Variants in MARCHF10 observed in about 807,000 individuals in gnomAD.
The protein encoded by MARCHF10 is membrane associated ring-CH-type finger 10.
In MARCHF10, 64 loss-of-function variants were observed where a neutral mutation model predicts 76.2. That is an observed-to-expected ratio of 0.84 (90% confidence interval 0.69 to 1.03). The LOEUF (loss-of-function observed/expected upper bound fraction) is 1.03, where lower values mean the gene tolerates loss of function less well. Among genes scored for constraint, MARCHF10 ranks in the 50% least tolerant of loss-of-function variants. The probability of loss-of-function intolerance (pLI) is 0.00; values close to 1 mark genes in which losing one functional copy is unlikely to be tolerated. For missense variants in MARCHF10, 875 were observed against 958.0 expected, an observed-to-expected ratio of 0.91 and a Z score of 1.14; for synonymous variants, 340 against 357.5, an observed-to-expected ratio of 0.95 and a Z score of 0.55.
chr17:62,724,136 A>C (rs1380526514), intron 7 of MARCHF10, among the ~76,000 whole-genome samples: 1 of 151,298 alleles, frequency 6.6e-6, no homozygotes, highest in Non-Finnish European at 1.5e-5. Flanking sequence ...GTCTGAAAGA[A>C]GCCGCAGCTA....
chr17:62,750,433 G>A (rs777319019), intron 4 of MARCHF10: 8 of 153,934 alleles, frequency 5.2e-5, no homozygotes, highest in Non-Finnish European at 8.7e-5. Flanking sequence ...GTGGCAGGAG[G>A]AGGCAGCAGT....
intron 4 of MARCHF10, among the ~76,000 whole-genome samples, chr17:62,756,969 G>A (rs1303393501): frequency 6.6e-6 from 1 of 152,172 alleles, no homozygotes; most frequent in Non-Finnish European, 1.5e-5. Flanking sequence ...TGCCTTCTCA[G>A]TTACAAATCT....
intron 10 of MARCHF10, among the ~76,000 whole-genome samples, chr17:62,702,255 G>A (rs1407540755): frequency 6.6e-6 from 1 of 152,116 alleles, no homozygotes; most frequent in Non-Finnish European, 1.5e-5. Flanking sequence ...TGGAGGAGGT[G>A]GAGTTGGTGG....
chr17:62,748,856 A>G (rs2091800356), intron 4 of MARCHF10, among the ~76,000 whole-genome samples: 1 of 152,218 alleles, frequency 6.6e-6, no homozygotes, highest in South Asian at 2.1e-4. Flanking sequence ...TACCATGTCC[A>G]TGGATTCATA....
intron 3 of MARCHF10, among the ~76,000 whole-genome samples, chr17:62,771,471 G>A (rs1017752026): frequency 2.0e-5 from 3 of 152,098 alleles, no homozygotes; most frequent in Admixed American, 6.6e-5. Context: ...GCTAGATCTC[G>A]CAGGGCCTCG....
chr17:62,704,065 G>C (rs1472128850), intron 10 of MARCHF10, among the ~76,000 whole-genome samples: 1 of 151,778 alleles, frequency 6.6e-6, no homozygotes, highest in African/African-American at 2.4e-5. Context: ...TGGGCGCGGC[G>C]CCGGGACCCT....
At chr17:62,777,005 C>T (rs1242958729) in intron 3 of MARCHF10, among the ~76,000 whole-genome samples, 1 of 152,160 alleles carries the variant, frequency 6.6e-6, no homozygotes, top group Non-Finnish European at 1.5e-5. Flanking sequence ...ATCTTCTAGC[C>T]CAAATGGCCA....
At chr17:62,758,318 C>T (rs562626105) in intron 4 of MARCHF10, among the ~76,000 whole-genome samples, 1 of 152,242 alleles carries the variant, frequency 6.6e-6, no homozygotes, top group East Asian at 1.9e-4. Flanking sequence ...CACTGCACTC[C>T]AGCCTGGGCA....
chr17:62,728,434 C>T (rs1369130993), intron 6 of MARCHF10, among the ~76,000 whole-genome samples: 6 of 152,212 alleles, frequency 3.9e-5, no homozygotes, highest in Admixed American at 1.3e-4. Flanking sequence ...CCGGGGACAG[C>T]GTGCTGGCCA....
chr17:62,733,887 A>G lies in MARCHF10; in HGVS notation c.1937+2044T>C, dbSNP rs146034817. ...CAGAGTTCATAAATATACACAACAT[A>G]TTGTTTAGAAAAACTGGCTGGGTCG... is the stretch of plus-strand genomic sequence containing the variant. On this transcript the variant is annotated intron_variant, in intron 6 of 10. Transcript: ENST00000311269. 1.9e-3 allele frequency among the ~76,000 whole-genome samples: 282 copies of G among 152,314 alleles called. 1 individual carries two copies. Among genetic ancestry groups the G allele is most frequent in the African/African-American group, 6.5e-3 (271 of 41,566 alleles).
At chr17:62,701,816 CA>C (rs1237711184) in intron 10 of MARCHF10, 58 bp from the exon 11 acceptor site, 3 of 1,608,818 alleles carry the variant, frequency 1.9e-6, no homozygotes, top group East Asian at 2.2e-5. Context: ...GGGTCTGTTA[CA>C]GGGGGCACGG....
chr17:62,721,123 C>T (rs2147688280), intron 8 of MARCHF10, among the ~76,000 whole-genome samples: 1 of 152,260 alleles, frequency 6.6e-6, no homozygotes, highest in Middle Eastern at 3.4e-3. Context: ...CCCACCTTGG[C>T]CTCCCAAAGT....
At chr17:62,714,536 G>C (rs1273066287) in intron 8 of MARCHF10, 1 of 363,742 alleles carries the variant, frequency 2.7e-6, no homozygotes, top group African/African-American at 2.2e-5. Context: ...CTGACTCCTA[G>C]TGCCTGGCCC....
intron 3 of MARCHF10, among the ~76,000 whole-genome samples, chr17:62,783,652 G>A (rs930181946): frequency 5.3e-5 from 8 of 152,104 alleles, no homozygotes; most frequent in African/African-American, 1.9e-4. Flanking sequence ...GAGGAAGAGA[G>A]AAGAATCAAA....
At chr17:62,759,701 C>T (rs1450933428) in intron 4 of MARCHF10, 134 bp downstream of exon 4, 16 of 827,782 alleles carry the variant, frequency 1.9e-5, no homozygotes, top group Non-Finnish European at 2.8e-5. Flanking sequence ...GGACTCCTGA[C>T]CTCAAGTGAT....
intron 3 of MARCHF10, among the ~76,000 whole-genome samples, chr17:62,787,224 A>G (rs1422464335): frequency 6.6e-6 from 1 of 152,188 alleles, no homozygotes; most frequent in Non-Finnish European, 1.5e-5. Flanking sequence ...TCCTTAATAG[A>G]GAGCATATCT....
chr17:62,744,781 C>A (rs1193184227), intron 4 of MARCHF10, among the ~76,000 whole-genome samples: 4 of 152,008 alleles, frequency 2.6e-5, no homozygotes, highest in Non-Finnish European at 4.4e-5. Context: ...AATCATGCCT[C>A]CTTCATAGGA....
At chr17:62,764,714 C>T (rs2092288669) in intron 3 of MARCHF10, among the ~76,000 whole-genome samples, 3 of 152,280 alleles carry the variant, frequency 2.0e-5, no homozygotes, top group East Asian at 3.9e-4. Flanking sequence ...CTGGATAGGA[C>T]GGCTACCTTT....
rs995930301 is a variant in MARCHF10, at chr17:62,712,787, C to A, written c.2215-1443G>T. On this transcript the variant is annotated intron_variant, in intron 8 of 10. Transcript: ENST00000311269. This position sits in a 1 kb window ranked among gnomAD's most constrained non-coding sequence, Gnocchi z 4.2. Reference sequence around the variant, plus strand: ...TTTTTGAGACAGACACAGTCTTGCCCAGGCTGGAGTGCAATGGCGTGATCT... The same window carrying A: ...TTTTTGAGACAGACACAGTCTTGCCAAGGCTGGAGTGCAATGGCGTGATCT... Among the ~76,000 whole-genome samples the A allele has an allele frequency of 6.6e-6, 1 of 152,188 alleles. No individual in the cohort carries two copies. Among genetic ancestry groups the A allele is most frequent in the Non-Finnish European group, 1.5e-5 (1 of 68,038 alleles).
Sources: gnomAD v4.1 joint callset for allele counts (sites outside exome capture counted in the v4.1 genomes callset) on GRCh38, gnomAD v4.1.1 for gene constraint, Gnocchi (gnomAD v3.1) non-coding constraint, MANE v1.5 for transcripts, NCBI Gene and HGNC (gene_info 2026-07-23, HGNC 2026-07-21) for gene names.